The following PLEKHH1 variants were observed in gnomAD, a reference collection of about 807,000 sequenced individuals.
The protein encoded by PLEKHH1 is pleckstrin homology, MyTH4 and FERM domain containing H1, also known as pleckstrin homology domain-containing family H member 1.
PLEKHH1 carries 104 observed loss-of-function variants against 160.0 expected under a neutral mutation model. The observed-to-expected ratio is 0.65, with a 90% confidence interval of 0.55 to 0.76. PLEKHH1 has a LOEUF of 0.76. PLEKHH1 is among the 30% of genes least tolerant of loss of function. PLEKHH1 has a pLI of 0.00. For synonymous variants in PLEKHH1, 619 were observed against 678.4 expected (o/e 0.91, Z 1.36); for missense variants, 1,427 against 1,724.1 (o/e 0.83, Z 3.05).
intron 9 of PLEKHH1, 78 bp downstream of exon 9, chr14:67,570,090 G>A (rs2035300368): frequency 9.8e-7 from 1 of 1,016,302 alleles, no homozygotes; most frequent in African/African-American, 1.6e-5. Context: ...CTGGGGCGGG[G>A]CTCTAGGGCC....
intron 17 of PLEKHH1, 115 bp from the exon 18 acceptor site, chr14:67,577,187 T>C: frequency 1.4e-6 from 1 of 712,020 alleles, no homozygotes; most frequent in South Asian, 1.7e-5. Context: ...ACAACCCAAG[T>C]GTTGACGGAA....
chr14:67,572,258 A>G lies in PLEKHH1; in HGVS notation c.1709A>G (p.Asp570Gly), dbSNP rs1427764624. 1 of 1,601,516 alleles carries G rather than the reference A, an allele frequency of 6.2e-7. No individual in the cohort carries two copies. The highest frequency in any genetic ancestry group is 1.3e-5 in the African/African-American group (1 of 74,422). ...CAGCGCACCTCATCCTACTCCACCGACGGGCTGGGCCTGGGCGGGGTGAGC... is the reference window on the plus strand; with the variant it reads ...CAGCGCACCTCATCCTACTCCACCGGCGGGCTGGGCCTGGGCGGGGTGAGC... ...KLQRTSSYST[D>G]GLGLGGESLE... Residue 570 changes from aspartate (D) to glycine (G), a missense_variant, in exon 11 of 29, where the codon GAC becomes GGC. By Grantham distance (94) the Asp-to-Gly change is moderately conservative. Around this residue, in one of 6 missense-constraint regions of PLEKHH1, gnomAD observed 831 missense variants for 929.2 expected, o/e 0.89. Transcript: ENST00000329153.
At chr14:67,586,417 C>T in intron 28 of PLEKHH1, 1 of 1,335,314 alleles carries the variant, frequency 7.5e-7, no homozygotes, top group Non-Finnish European at 9.8e-7. Flanking sequence ...TCTTCTCTTC[C>T]TTGCAGCAGT....
At chr14:67,549,028 A>C (rs991402299) in intron 2 of PLEKHH1, among the ~76,000 whole-genome samples, 5 of 152,258 alleles carry the variant, frequency 3.3e-5, no homozygotes, top group Non-Finnish European at 5.9e-5. Flanking sequence ...CAGTTTCACA[A>C]CATATGGGTA....
Position 67,578,440 on chromosome 14 carries a change from G to C in PLEKHH1, c.2752-94G>C. 1 of 969,748 alleles carries C rather than the reference G, an allele frequency of 1.0e-6. No individual in the cohort carries two copies. The highest frequency in any genetic ancestry group is 1.6e-6 in the Non-Finnish European group (1 of 623,802). 60.1% of individuals were successfully genotyped at this position (969,748 alleles called of 1,614,324 possible). A position where few individuals can be genotyped will look rare whatever the true frequency, so the allele number is the denominator to read the frequency against. On this transcript the variant is annotated intron_variant, in intron 19 of 28. Transcript: ENST00000329153. This position sits in a 1 kb window ranked among gnomAD's most constrained non-coding sequence, Gnocchi z 5.0. ...GAGCAAGTTGGGGGCTCTGGTTTGG[G>C]GAAAGAGTGCTGAAGGCTCTGTAGC...
rs77608826 is a variant in PLEKHH1, at chr14:67,535,017, C to T, written c.-35+1619C>T. Reference sequence around the variant, plus strand: ...CATGTAAAAGCCACACGATAGGATACATTAAAGCTGTTATAAAGCGTGCAG... The same window carrying T: ...CATGTAAAAGCCACACGATAGGATATATTAAAGCTGTTATAAAGCGTGCAG... On this transcript the variant is annotated intron_variant, in intron 1 of 28. Transcript: ENST00000329153. Among the ~76,000 whole-genome samples, 679 of 152,300 alleles carry T rather than the reference C, an allele frequency of 4.5e-3. 18 individuals carry two copies. In the East Asian group the frequency reaches 0.063, roughly 14 times the overall value.
At chr14:67,569,115 C>T (rs768096153) in intron 7 of PLEKHH1, 23 bp from the exon 8 acceptor site, 2 of 1,566,976 alleles carry the variant, frequency 1.3e-6, no homozygotes, top group South Asian at 2.2e-5. Flanking sequence ...GGGCCCTGAG[C>T]TTCCTGAGAC....
chr14:67,576,042 G>A lies in PLEKHH1; in HGVS notation c.2352+37G>A. ...GGCTGGGCCTCCAGGGCCAAGCTTG[G>A]ACCTGTGATTCTGATCTTCCCTTCT... is the stretch of plus-strand genomic sequence containing the variant. On this transcript the variant is annotated intron_variant, in intron 16 of 28. Coordinates refer to ENST00000329153, the MANE Select transcript of PLEKHH1 (RefSeq NM_020715.3). This position sits in a 1 kb window ranked among gnomAD's most constrained non-coding sequence, Gnocchi z 4.0. 6.7e-7 allele frequency: 1 copy of A among 1,500,306 alleles called. No individual in the cohort carries two copies. Among genetic ancestry groups the A allele is most frequent in the African/African-American group, 1.4e-5 (1 of 72,030 alleles). 92.9% of individuals were successfully genotyped at this position (1,500,306 alleles called of 1,614,324 possible). A position where few individuals can be genotyped will look rare whatever the true frequency, so the allele number is the denominator to read the frequency against.
chr14:67,537,501 C>T (rs1343022520), intron 1 of PLEKHH1, among the ~76,000 whole-genome samples: 1 of 151,236 alleles, frequency 6.6e-6, no homozygotes, highest in Non-Finnish European at 1.5e-5. Flanking sequence ...CTTGTCTTTA[C>T]AAAAAATACA....
chr14:67,552,136 A>G (rs1430799836), intron 2 of PLEKHH1, among the ~76,000 whole-genome samples: 3 of 152,164 alleles, frequency 2.0e-5, no homozygotes, highest in Non-Finnish European at 4.4e-5. Flanking sequence ...AGGGCAGCTT[A>G]TGTGTCTTAT....
intron 2 of PLEKHH1, among the ~76,000 whole-genome samples, chr14:67,546,759 T>C (rs2034198147): frequency 6.6e-6 from 1 of 152,128 alleles, no homozygotes; most frequent in Admixed American, 6.5e-5. Context: ...CCCAGTGACT[T>C]AGAGGCCAAG....
chr14:67,582,431 C>A lies in PLEKHH1; in HGVS notation c.3426+221C>A, dbSNP rs1041468534. ...GATGGCTGGACTTGGAATCCAGAGACCTGGGTTTGAGTCCTATATACCTTC... is the reference window on the plus strand; with the variant it reads ...GATGGCTGGACTTGGAATCCAGAGAACTGGGTTTGAGTCCTATATACCTTC... On this transcript the variant is annotated intron_variant, in intron 24 of 28. Coordinates refer to ENST00000329153, the MANE Select transcript of PLEKHH1 (RefSeq NM_020715.3). This position sits in a 1 kb window ranked among gnomAD's most constrained non-coding sequence, Gnocchi z 5.0. Among the ~76,000 whole-genome samples the A allele has an allele frequency of 2.6e-5, 4 of 152,164 alleles. No individual in the cohort carries two copies. The highest frequency in any genetic ancestry group is 4.4e-5 in the Non-Finnish European group (3 of 68,034).
rs747846425 is a variant in PLEKHH1 at position 67,562,573 on chromosome 14, G to T, written c.942G>T (p.Lys314Asn). Reference sequence around the variant, plus strand: ...CTGGCAGCAGTCTGACCCTACCAAAGGTGCGGGCTCCTGGCACCCCGCGGG... The same window carrying T: ...CTGGCAGCAGTCTGACCCTACCAAATGTGCGGGCTCCTGGCACCCCGCGGG... ...GGPGSSLTLP[K>N]VRAPGTPRDS... The change falls in exon 7 of 29, where the codon AAG becomes AAT. Residue 314 changes from lysine to asparagine, a missense_variant. Around this residue, in one of 6 missense-constraint regions of PLEKHH1, gnomAD observed 831 missense variants for 929.2 expected, o/e 0.89. Coordinates refer to ENST00000329153, the MANE Select transcript of PLEKHH1 (RefSeq NM_020715.3). 6.2e-7 allele frequency: 1 copy of T among 1,612,354 alleles called. No individual in the cohort carries two copies. Among genetic ancestry groups the T allele is most frequent in the Non-Finnish European group, 8.5e-7 (1 of 1,178,840 alleles).
At chr14:67,541,784 T>C in intron 1 of PLEKHH1, 50 bp from the exon 2 acceptor site, 1 of 1,303,178 alleles carries the variant, frequency 7.7e-7, no homozygotes. Context: ...CACAGAACTC[T>C]TCCTCACACG....
chr14:67,579,607 C>A, intron 21 of PLEKHH1, 114 bp from the exon 22 acceptor site: 2 of 1,036,466 alleles, frequency 1.9e-6, no homozygotes, highest in Non-Finnish European at 2.8e-6. Context: ...CTTGCTTTGG[C>A]CTTTTGTATT....
At position 67,576,068 on chromosome 14, in the gene PLEKHH1, C is replaced by G. The variant is rs1566756136; in HGVS notation, c.2352+63C>G. 1 of 1,315,886 alleles carries G rather than the reference C, an allele frequency of 7.6e-7. No individual in the cohort carries two copies. The highest frequency in any genetic ancestry group is 1.1e-6 in the Non-Finnish European group (1 of 944,648). 81.5% of individuals were successfully genotyped at this position (1,315,886 alleles called of 1,614,324 possible). On this transcript the variant is annotated intron_variant, in intron 16 of 28. Transcript: ENST00000329153. This position sits in a 1 kb window ranked among gnomAD's most constrained non-coding sequence, Gnocchi z 4.0. ...ACCTGTGATTCTGATCTTCCCTTCT[C>G]TCTTTCTCCTGAGCTTCCCAAAATT...
At chr14:67,554,725 G>T (rs1192801828) in intron 2 of PLEKHH1, among the ~76,000 whole-genome samples, 1 of 152,178 alleles carries the variant, frequency 6.6e-6, no homozygotes, top group Non-Finnish European at 1.5e-5. Context: ...AAGCTGCAAA[G>T]AGATGCCATG....
In PLEKHH1 at chr14:67,574,672, T is replaced by A. The variant is rs1216665783; in HGVS notation, c.2088+269T>A. 6.6e-6 allele frequency among the ~76,000 whole-genome samples: 1 copy of A among 152,084 alleles called. No homozygotes were observed. Among genetic ancestry groups the A allele is most frequent in the African/African-American group, 2.4e-5 (1 of 41,388 alleles). ...CTATCTTGTATCCATTTTGAGGTCATTAGGGGCTGTCACCCACCCCCACCT... is the reference window on the plus strand; with the variant it reads ...CTATCTTGTATCCATTTTGAGGTCAATAGGGGCTGTCACCCACCCCCACCT... On this transcript the variant is annotated intron_variant, in intron 14 of 28. Coordinates refer to ENST00000329153, the MANE Select transcript of PLEKHH1 (RefSeq NM_020715.3). The surrounding 1 kb of genome is among the most constrained non-coding windows in gnomAD (Gnocchi z 4.2).
intron 1 of PLEKHH1, among the ~76,000 whole-genome samples, chr14:67,539,880 G>T (rs1458794814): frequency 6.6e-6 from 1 of 152,152 alleles, no homozygotes; most frequent in Non-Finnish European, 1.5e-5. Flanking sequence ...GGCAACACAT[G>T]CCTGGCATAC....
Sources: allele counts gnomAD v4.1 joint callset (sites outside exome capture counted in the v4.1 genomes callset), GRCh38; gene constraint gnomAD v4.1.1; regional missense constraint gnomAD v4.1.1; non-coding constraint Gnocchi (gnomAD v3.1); transcripts MANE v1.5; gene names NCBI Gene and HGNC (gene_info 2026-07-23, HGNC 2026-07-21).